The following TTN variants were observed in gnomAD, a reference collection of about 807,000 sequenced individuals.
The protein encoded by TTN is connectin.
A neutral mutation model predicts 3,223.0 loss-of-function variants in TTN; 1,525 were observed. The observed-to-expected ratio is 0.47, with a 90% CI of 0.45 to 0.49. The LOEUF is 0.49. Ranked by LOEUF, TTN falls within the 20% of genes least tolerant of loss-of-function variation. The pLI, the probability that TTN is intolerant of heterozygous loss-of-function variation, is 0.00. For synonymous variants in TTN, 14,094 were observed against 15,161.0 expected (o/e 0.93, Z 5.17); for missense variants, 40,786 against 43,424.0 (o/e 0.94, Z 5.40).
rs2048004611 is a variant in TTN at position 178,582,509 on chromosome 2, C to T, written c.65947G>A (p.Asp21983Asn). ...AMLSWEPPLE[D>N]GGSEITNYIV... Reference sequence around the variant, plus strand: ...TAGTTGGTGATTTCTGAGCCTCCATCTTCAAGAGGCGGTTCCCAAGAAAGC... The same window carrying T: ...TAGTTGGTGATTTCTGAGCCTCCATTTTCAAGAGGCGGTTCCCAAGAAAGC... The change falls in exon 314 of 363, where the codon GAT (aspartate) becomes AAT (asparagine). Residue 21983 changes from aspartate (D) to asparagine (N), a missense_variant. Transcript: ENST00000589042. 1 of 1,612,990 alleles carries T rather than the reference C, an allele frequency of 6.2e-7. No homozygotes were observed. The highest frequency in any genetic ancestry group is 1.1e-5 in the South Asian group (1 of 91,040).
intron 6 of TTN, among the ~76,000 whole-genome samples, chr2:178,796,031 T>C (rs188280824): frequency 7.7e-4 from 118 of 152,366 alleles, no homozygotes; most frequent in Non-Finnish European, 1.2e-3. Flanking sequence ...TTTGGGTAAA[T>C]TGATAAAGTT....
rs756675105 is a variant in TTN at position 178,684,078 on chromosome 2, T to C, written c.32727A>G (p.Pro10909=). The C allele has an allele frequency of 5.0e-6, 8 of 1,612,680 alleles. No homozygotes were observed. Among genetic ancestry groups the C allele is most frequent in the South Asian group, 1.1e-5 (1 of 90,808 alleles). The part of the protein sequence containing the change: ...KKEAPPKARV[P]EEPKRAVPEE... The stretch of plus-strand genomic sequence containing the variant: ...CTGGGACAGCTCTCTTCGGTTCCTC[T>C]GGCACTTTAAAGAGAGATTTCACTT... The change falls in exon 133 of 363, where the codon CCA becomes CCG. Residue 10909 remains proline (P), a synonymous_variant. Transcript: ENST00000589042.
chr2:178,538,525 C>G lies in TTN; in HGVS notation c.99289+15G>C, dbSNP rs796187661. Reference sequence around the variant, plus strand: ...TAGTTTGTAAATCATAAGTAGAGAACCAAAGGCTACTTACATGTGAGTTTA... The same window carrying G: ...TAGTTTGTAAATCATAAGTAGAGAAGCAAAGGCTACTTACATGTGAGTTTA... On this transcript the variant is annotated intron_variant, in intron 354 of 362. Coordinates refer to ENST00000589042, the MANE Select transcript of TTN (RefSeq NM_001267550.2). 1 of 1,594,360 alleles carries G rather than the reference C, an allele frequency of 6.3e-7. No homozygotes were observed. The highest frequency in any genetic ancestry group is 8.5e-7 in the Non-Finnish European group (1 of 1,169,760).
chr2:178,777,788 A>G lies in TTN; in HGVS notation c.4396T>C (p.Phe1466Leu), dbSNP rs151310601. Residue 1466 changes from phenylalanine (F) to leucine (L), a missense_variant, in exon 25 of 363, where the codon TTC becomes CTC. By Grantham distance (22) the Phe-to-Leu change is conservative. Transcript: ENST00000589042. ...GCAGTTTGCCCTTCTAAACATTTGA[A>G]AGAAACAGGTTTTAACACAAAGACT... ...KPVFVLKPVS[F>L]KCLEGQTARF... is the part of the protein sequence containing the mutation. The G allele has an allele frequency of 1.3e-3, 2,039 of 1,614,060 alleles. 2 individuals are homozygous for G. Among genetic ancestry groups the G allele is most frequent in the Non-Finnish European group, 1.6e-3 (1,924 of 1,179,958 alleles).
rs794729301 is a variant in TTN, at chr2:178,549,309, G to A, written c.92317C>T (p.Arg30773Ter). Reference protein sequence around the residue: ...STRWVKVISKRPISETRFKVT... With the variant: ...STRWVKVISK Reference sequence around the variant, plus strand: ...TTGAATCTTGTTTCAGAGATTGGTCGTTTGCTGATCACTTTTACCCATCTT... The same window carrying A: ...TTGAATCTTGTTTCAGAGATTGGTCATTTGCTGATCACTTTTACCCATCTT... The change falls in exon 339 of 363, where the codon CGA (arginine) becomes TGA (stop). Residue 30773 changes from arginine to a stop codon, truncating the protein, a stop_gained. Transcript: ENST00000589042. LOFTEE classifies it high-confidence loss of function. 2.5e-6 allele frequency: 4 copies of A among 1,613,766 alleles called. No homozygotes were observed. Among genetic ancestry groups the A allele is most frequent in the Non-Finnish European group, 3.4e-6 (4 of 1,179,832 alleles).
chr2:178,537,982 T>G (rs1256847353), intron 354 of TTN, 65 bp from the exon 355 acceptor site: 2 of 1,360,254 alleles, frequency 1.5e-6, no homozygotes, highest in Non-Finnish European at 2.0e-6. Flanking sequence ...TTTGTCCTTG[T>G]ATATCAGGAA....
Position 178,712,718 on chromosome 2 carries a change from T to C in TTN, c.27307A>G (p.Thr9103Ala), listed in dbSNP as rs1351836200. 1.2e-6 allele frequency: 2 copies of C among 1,613,602 alleles called. No homozygotes were observed. The highest frequency in any genetic ancestry group is 2.2e-5 in the East Asian group (1 of 44,878). ...VSNEAGKASC[T>A]THLYIKAPAK... Reference sequence around the variant, plus strand: ...AAACCTTTTATGTAGAGATGTGTTGTACAAGAAGCCTTGCCAGCTTCATTG... The same window carrying C: ...AAACCTTTTATGTAGAGATGTGTTGCACAAGAAGCCTTGCCAGCTTCATTG... Residue 9103 changes from threonine (T) to alanine (A), a missense_variant, in exon 94 of 363, where the codon ACA (threonine) becomes GCA (alanine). By Grantham distance (58) the Thr-to-Ala change is moderately conservative (BLOSUM62 0). Transcript: ENST00000589042.
Position 178,571,642 on chromosome 2 carries a change from C to G in TTN, c.74490G>C (p.Trp24830Cys). ...EVTADSITLSWGPPKYDGGSS... is the reference protein window; with the variant it reads ...EVTADSITLSCGPPKYDGGSS... ...TTCCACCATCATACTTGGGTGGGCC[C>G]CAGGAAAGAGTAATACTATCAGCTG... The change falls in exon 326 of 363, where the codon TGG (tryptophan) becomes TGC (cysteine). Residue 24830 changes from tryptophan to cysteine, a missense_variant. Physicochemically the swap from Trp to Cys is radical, Grantham distance 215. Transcript: ENST00000589042. 6.2e-7 allele frequency: 1 copy of G among 1,613,288 alleles called. No individual in the cohort carries two copies. The highest frequency in any genetic ancestry group is 8.5e-7 in the Non-Finnish European group (1 of 1,179,564).
chr2:178,664,221 C>G, intron 168 of TTN, 123 bp from the exon 169 acceptor site: 2 of 991,228 alleles, frequency 2.0e-6, no homozygotes, highest in Non-Finnish European at 2.9e-6. Context: ...GTAACAAGTT[C>G]CCATAATAGG....
rs574838594 is a variant in TTN, at chr2:178,791,388, C to T, written c.1663-543G>A. Reference sequence around the variant, plus strand: ...TTCAAGGAGGATGAGCACAGGCGCCCTCTTTGACATGGAAGAATTCAAGAT... The same window carrying T: ...TTCAAGGAGGATGAGCACAGGCGCCTTCTTTGACATGGAAGAATTCAAGAT... On this transcript the variant is annotated intron_variant, in intron 10 of 362. Transcript: ENST00000589042. Among the ~76,000 whole-genome samples, 318 of 152,222 alleles carry T rather than the reference C, an allele frequency of 2.1e-3. 1 individual carries two copies. Among genetic ancestry groups the T allele is most frequent in the South Asian group, 0.013 (65 of 4,826 alleles).
At chr2:178,789,937 T>G in intron 12 of TTN, 41 bp downstream of exon 12, 1 of 1,611,032 alleles carries the variant, frequency 6.2e-7, no homozygotes, top group Non-Finnish European at 8.5e-7. Context: ...TAGAAATTAG[T>G]TTAAAGATGA....
chr2:178,749,850 C>A lies in TTN; in HGVS notation c.11311+3274G>T, dbSNP rs145460295. 4.0e-5 allele frequency: 64 copies of A among 1,613,124 alleles called. No individual in the cohort carries two copies. In the African/African-American group the frequency reaches 8.4e-4, roughly 21 times the overall value. The stretch of plus-strand genomic sequence containing the variant: ...CATGTTACAACTGGCTGGGGCTCAC[C>A]AGATATTAAACATTCAAGAATGATG... On this transcript the variant is annotated intron_variant, in intron 47 of 362. Transcript: ENST00000589042.
chr2:178,541,079 C>T (rs980348590), intron 350 of TTN: 1 of 415,998 alleles, frequency 2.4e-6, no homozygotes, highest in East Asian at 3.7e-5. Context: ...AAATCGCTAG[C>T]AGCTGGGGTG....
Position 178,589,278 on chromosome 2 carries a change from G to C in TTN, c.62447C>G (p.Pro20816Arg), listed in dbSNP as rs376951521. 10 of 1,613,294 alleles carry C rather than the reference G, an allele frequency of 6.2e-6. No homozygotes were observed. In the African/African-American group the frequency reaches 1.3e-4, roughly 22 times the overall value. Residue 20816 changes from proline to arginine, a missense_variant, in exon 304 of 363, where the codon CCA becomes CGA. Transcript: ENST00000589042. ...DKDATDLTRSPRVKIDTRADS... is the reference protein window; with the variant it reads ...DKDATDLTRSRRVKIDTRADS... ...AGCACGGGTATCAATCTTGACCCTTGGTGATCTTGTTAAGTCTGTAGCGTC... is the reference window on the plus strand; with the variant it reads ...AGCACGGGTATCAATCTTGACCCTTCGTGATCTTGTTAAGTCTGTAGCGTC...
rs112266780 is a variant in TTN, at chr2:178,794,954, C to G, written c.1213G>C (p.Ala405Pro). 3.1e-6 allele frequency: 5 copies of G among 1,604,320 alleles called. No individual in the cohort carries two copies. Among genetic ancestry groups the G allele is most frequent in the Non-Finnish European group, 4.2e-6 (5 of 1,179,954 alleles). Residue 405 changes from alanine to proline, a missense_variant, in exon 7 of 363, where the codon GCA becomes CCA. Coordinates refer to ENST00000589042, the MANE Select transcript of TTN (RefSeq NM_001267550.2). ...GCACCAGTGGCAACAGCCTCTGCTGCGTAGCTAGCACTGGCCGACACACTG... is the reference window on the plus strand; with the variant it reads ...GCACCAGTGGCAACAGCCTCTGCTGGGTAGCTAGCACTGGCCGACACACTG... ...AASVSASASYAAEAVATGAKE... is the reference protein window; with the variant it reads ...AASVSASASYPAEAVATGAKE...
rs1327554085 is a variant in TTN at position 178,592,779 on chromosome 2, C to A, written c.59340G>T (p.Arg19780Ser). The A allele has an allele frequency of 5.6e-6, 9 of 1,613,258 alleles. No homozygotes were observed. The highest frequency in any genetic ancestry group is 7.6e-6 in the Non-Finnish European group (9 of 1,179,604). ...HVPEPVLVKD[R>S]LEPPELILDA... ...AAGTGAGAGCATTTTACTCACCAAG[C>A]CTGTCTTTTACTAGGACTGGCTCCG... The change falls in exon 300 of 363, where the codon AGG becomes AGT. Residue 19780 changes from arginine to serine, a missense_variant. Coordinates refer to ENST00000589042, the MANE Select transcript of TTN (RefSeq NM_001267550.2).
Position 178,711,934 on chromosome 2 carries a change from T to G in TTN, c.27886+10A>C. The G allele has an allele frequency of 6.4e-7, 1 of 1,555,100 alleles. No individual in the cohort carries two copies. The highest frequency in any genetic ancestry group is 8.7e-7 in the Non-Finnish European group (1 of 1,151,340). ...CACAAATTCGTTCACTTTAAAAATA[T>G]TGCAATCACCTTGAACGGTAAGGAA... On this transcript the variant is annotated intron_variant, in intron 96 of 362. Coordinates refer to ENST00000589042, the MANE Select transcript of TTN (RefSeq NM_001267550.2).
At chr2:178,648,745 A>G (rs767456278) in intron 213 of TTN, among the ~76,000 whole-genome samples, 3 of 152,104 alleles carry the variant, frequency 2.0e-5, no homozygotes, top group African/African-American at 2.4e-5. Context: ...AAGTCCATCA[A>G]AATTTAAATT....
Position 178,558,033 on chromosome 2 carries a change from A to G in TTN, c.87321T>C (p.Ser29107=). ...CATATCTCCCAGCGTCAGCTGTAAC[A>G]CTTTCTTTGAGATTGATGGTCAGGT... ...AENLTINLKE[S]VTADAGRYEI... Residue 29107 remains serine (S), a synonymous_variant, in exon 328 of 363, where the codon AGT becomes AGC. Transcript: ENST00000589042. The G allele has an allele frequency of 6.2e-7, 1 of 1,613,900 alleles. No homozygotes were observed. The highest frequency in any genetic ancestry group is 2.2e-5 in the East Asian group (1 of 44,860).
Sources: allele counts gnomAD v4.1 joint callset (sites outside exome capture counted in the v4.1 genomes callset), GRCh38; gene constraint gnomAD v4.1.1; transcripts MANE v1.5; gene names NCBI Gene and HGNC (gene_info 2026-07-23, HGNC 2026-07-21).